The following SERPINB12 variants were observed in gnomAD, a reference collection of about 807,000 sequenced individuals.
The protein encoded by SERPINB12 is serpin B12.
In SERPINB12, 57 loss-of-function variants were observed where a neutral mutation model predicts 41.1. That is an observed-to-expected ratio of 1.39 (90% CI 1.12 to 1.73). The LOEUF (loss-of-function observed/expected upper bound fraction) is 1.73, where lower values mean the gene tolerates loss of function less well. Among genes scored for constraint, SERPINB12 ranks in the 40% most tolerant of loss-of-function variants. The pLI, the probability that SERPINB12 is intolerant of heterozygous loss-of-function variation, is 0.00. For synonymous variants in SERPINB12, 180 were observed against 181.3 expected (o/e 0.99, Z 0.06); for missense variants, 536 against 501.9 (o/e 1.07, Z -0.65).
At chr18:63,554,624 G>A (rs907427747) in intron 1 of SERPINB12, among the ~76,000 whole-genome samples, 1 of 151,722 alleles carries the variant, frequency 6.6e-6, no homozygotes, top group African/African-American at 2.4e-5. Context: ...GCATAGGTCA[G>A]TGGTGAGATC....
At chr18:63,538,850 A>G (rs1177440743), upstream of SERPINB12, among the ~76,000 whole-genome samples, 1 of 152,148 alleles carries the variant, frequency 6.6e-6, no homozygotes, top group Non-Finnish European at 1.5e-5. Context: ...CTTCACCAAG[A>G]CTTGTTATTG....
chr18:63,556,461 A>G, intron 2 of SERPINB12, 134 bp downstream of exon 2: 1 of 643,594 alleles, frequency 1.6e-6, no homozygotes. Context: ...CCTGTCTCTG[A>G]GTCTTTATTT....
rs755828684 is a variant in SERPINB12, at chr18:63,565,511, G to A, written c.772G>A (p.Val258Met). The A allele has an allele frequency of 1.2e-6, 2 of 1,613,962 alleles. No homozygotes were observed. Among genetic ancestry groups the A allele is most frequent in the African/African-American group, 1.3e-5 (1 of 74,932 alleles). ...GLYRIGFIEEVKAQILEMRYT... is the reference protein window; with the variant it reads ...GLYRIGFIEEMKAQILEMRYT... ...CTACAGAATTGGCTTCATAGAGGAG[G>A]TGAAGGCACAGATCCTGGAAATGAG... The change falls in exon 7 of 8, where the codon GTG becomes ATG. Residue 258 changes from valine (V) to methionine (M), a missense_variant. Val to Met is a conservative substitution (Grantham distance 21, BLOSUM62 1). Coordinates refer to ENST00000382768, the MANE Select transcript of SERPINB12 (RefSeq NM_001307928.2).
At position 63,558,320 on chromosome 18, in the gene SERPINB12, T is replaced by A. The variant is rs756756530; in HGVS notation, c.169-32T>A. On this transcript the variant is annotated intron_variant, in intron 2 of 7. Transcript: ENST00000382768. ...TATTCAGGCTTCCCTCTGTTCATAT[T>A]ATCTGAAAGACCCCATCCCGTTATC... The A allele has an allele frequency of 3.4e-5, 54 of 1,595,818 alleles. No homozygotes were observed. The Middle Eastern group carries it at 5.0e-4, about 15-fold the overall frequency.
In SERPINB12 at chr18:63,561,076, A is replaced by T. The variant is rs778062857; in HGVS notation, c.445-9A>T. ...ATTGCATTATTTCCCTTTTATTCCAATGGAACAGGAATACTTAGATGGTGT... is the reference window on the plus strand; with the variant it reads ...ATTGCATTATTTCCCTTTTATTCCATTGGAACAGGAATACTTAGATGGTGT... On this transcript the variant is annotated splice_polypyrimidine_tract_variant and intron_variant, in intron 4 of 7. Coordinates refer to ENST00000382768, the MANE Select transcript of SERPINB12 (RefSeq NM_001307928.2). 1 of 1,543,492 alleles carries T rather than the reference A, an allele frequency of 6.5e-7. No individual in the cohort carries two copies. The highest frequency in any genetic ancestry group is 8.9e-7 in the Non-Finnish European group (1 of 1,117,362).
the SERPINB12 span, among the ~76,000 whole-genome samples, chr18:63,535,350 T>A: frequency 6.6e-6 from 1 of 151,988 alleles, no homozygotes; most frequent in Non-Finnish European, 1.5e-5. Flanking sequence ...AAAGGTAGAA[T>A]GGGAAAAAGG....
chr18:63,541,435 G>T (rs1042084584), upstream of SERPINB12, among the ~76,000 whole-genome samples: 4 of 152,140 alleles, frequency 2.6e-5, no homozygotes, highest in African/African-American at 9.7e-5. Flanking sequence ...CTTAGAGACA[G>T]GACCCTCAAG....
At chr18:63,546,334 A>T (rs1360031064) in intron 1 of SERPINB12, among the ~76,000 whole-genome samples, 1 of 152,212 alleles carries the variant, frequency 6.6e-6, no homozygotes, top group Non-Finnish European at 1.5e-5. Flanking sequence ...ACAGTCAGTA[A>T]CATAACACGA....
intron 5 of SERPINB12, among the ~76,000 whole-genome samples, chr18:63,562,535 CT>C (rs1014081037): frequency 3.3e-5 from 5 of 152,136 alleles, no homozygotes; most frequent in Admixed American, 6.5e-5. Context: ...CATTTGGTGG[CT>C]TTCTCTCCCT....
chr18:63,552,234 G>GT (rs1910551592), intron 1 of SERPINB12, among the ~76,000 whole-genome samples: 1 of 152,198 alleles, frequency 6.6e-6, no homozygotes, highest in South Asian at 2.1e-4. Context: ...TACGACAAAT[G>GT]TAAGTTTCAA....
chr18:63,556,827 A>G (rs1167382854), intron 2 of SERPINB12, among the ~76,000 whole-genome samples: 1 of 152,180 alleles, frequency 6.6e-6, no homozygotes, highest in Non-Finnish European at 1.5e-5. Context: ...CTTTTGAAAG[A>G]TATCCATAAT....
chr18:63,529,761 A>G, the SERPINB12 span, among the ~76,000 whole-genome samples: 1 of 150,834 alleles, frequency 6.6e-6, no homozygotes, highest in South Asian at 2.1e-4. Flanking sequence ...AAACGTAATT[A>G]TGCCAATTAA....
At chr18:63,541,074 A>C (rs1910261637), upstream of SERPINB12, among the ~76,000 whole-genome samples, 1 of 152,142 alleles carries the variant, frequency 6.6e-6, no homozygotes, top group African/African-American at 2.4e-5. Context: ...TTTGCACTCA[A>C]CTACCCCAAA....
At chr18:63,544,956 A>T (rs1453370884) in intron 1 of SERPINB12, among the ~76,000 whole-genome samples, 1 of 152,176 alleles carries the variant, frequency 6.6e-6, no homozygotes, top group East Asian at 1.9e-4. Context: ...GCCCCTTTGT[A>T]ATATTTCAAA....
At position 63,566,696 on chromosome 18, in the gene SERPINB12, G is replaced by C. The variant is rs541425993; in HGVS notation, c.963G>C (p.Arg321=). ...AATCGGTGGTCCTGTCCTTCCCCCG[G>C]TTCACCCTGGAAGACAGCTATGATC... ...SEESVVLSFP[R]FTLEDSYDLN... The change falls in exon 8 of 8, where the codon CGG becomes CGC. Residue 321 remains arginine, a synonymous_variant. Transcript: ENST00000382768. 1.8e-5 allele frequency: 29 copies of C among 1,613,992 alleles called. No homozygotes were observed. The South Asian group carries it at 2.5e-4, about 14-fold the overall frequency.
In SERPINB12 at chr18:63,567,078, G is replaced by C; in HGVS notation, c.*67G>C. The stretch of plus-strand genomic sequence containing the variant: ...TCAATACAATCTTCCCCTGGCATAA[G>C]ATGGGCATTTGAGTTTTTGGTAATA... On this transcript the variant is annotated 3_prime_UTR_variant, in exon 8 of 8. Coordinates refer to ENST00000382768, the MANE Select transcript of SERPINB12 (RefSeq NM_001307928.2). 1 of 1,471,344 alleles carries C rather than the reference G, an allele frequency of 6.8e-7. No homozygotes were observed. Among genetic ancestry groups the C allele is most frequent in the Non-Finnish European group, 9.1e-7 (1 of 1,098,516 alleles). 91.1% of individuals were successfully genotyped at this position (1,471,344 alleles called of 1,614,324 possible).
chr18:63,544,507 G>T (rs928248577), intron 1 of SERPINB12, among the ~76,000 whole-genome samples: 1 of 152,162 alleles, frequency 6.6e-6, no homozygotes, highest in African/African-American at 2.4e-5. Context: ...TCTCAGGCTA[G>T]TAAGATTCAG....
intron 1 of SERPINB12, among the ~76,000 whole-genome samples, chr18:63,555,230 G>A (rs1185916421): frequency 1.3e-5 from 2 of 152,168 alleles, no homozygotes; most frequent in Non-Finnish European, 1.5e-5. Context: ...CTCAAATTCT[G>A]TAGTTTGCAT....
the SERPINB12 span, among the ~76,000 whole-genome samples, chr18:63,523,431 T>C: frequency 4.0e-3 from 614 of 152,290 alleles, 7 homozygotes; most frequent in African/African-American, 0.014. Flanking sequence ...TGCTTCCGCA[T>C]ATGGGAAGCT....
Sources: gnomAD v4.1 joint callset for allele counts (sites outside exome capture counted in the v4.1 genomes callset) on GRCh38, gnomAD v4.1.1 for gene constraint, MANE v1.5 for transcripts, NCBI Gene and HGNC (gene_info 2026-07-23, HGNC 2026-07-21) for gene names.